The following NIBAN2 variants were observed in gnomAD, a reference collection of about 807,000 sequenced individuals.
The protein encoded by NIBAN2 is niban apoptosis regulator 2.
NIBAN2 carries 36 observed loss-of-function variants against 81.8 expected under a neutral mutation model. The observed-to-expected ratio is 0.44, with a 90% CI of 0.34 to 0.58. The LOEUF (loss-of-function observed/expected upper bound fraction) is 0.58, where lower values mean the gene tolerates loss of function less well. NIBAN2 is among the 20% of genes least tolerant of loss of function. NIBAN2 has a pLI of 0.02. For missense variants in NIBAN2, 897 were observed against 1,014.1 expected (o/e 0.88, Z 1.57); for synonymous variants, 445 against 441.6 (o/e 1.01, Z -0.10).
chr9:127,511,285 T>G (rs1278946339), intron 8 of NIBAN2, among the ~76,000 whole-genome samples: 1 of 152,092 alleles, frequency 6.6e-6, no homozygotes, highest in Non-Finnish European at 1.5e-5. Context: ...TGATCTCAGG[T>G]GACCCGCCCA....
chr9:127,559,118 T>C lies in NIBAN2; in HGVS notation c.55+9702A>G, dbSNP rs1017819582. 5.3e-5 allele frequency among the ~76,000 whole-genome samples: 8 copies of C among 152,220 alleles called. No homozygotes were observed. The highest frequency in any genetic ancestry group is 1.9e-4 in the African/African-American group (8 of 41,458). On this transcript the variant is annotated intron_variant, in intron 1 of 13. Transcript: ENST00000373312. The surrounding 1 kb of genome is among the most constrained non-coding windows in gnomAD (Gnocchi z 4.0). ...CTCTGGGAAACAAAGATCCACGGGC[T>C]TTGTAACATGAGCCACAGCACATCC...
At chr9:127,574,786 G>A (rs1837988260) in intron 1 of NIBAN2, among the ~76,000 whole-genome samples, 1 of 152,178 alleles carries the variant, frequency 6.6e-6, no homozygotes, top group East Asian at 1.9e-4. Context: ...TGTGCAGAAG[G>A]GACCCTGGCA....
In NIBAN2 at chr9:127,554,439, C is replaced by A. The variant is rs372980796; in HGVS notation, c.55+14381G>T. On this transcript the variant is annotated intron_variant, in intron 1 of 13. Coordinates refer to ENST00000373312, the MANE Select transcript of NIBAN2 (RefSeq NM_022833.4). ...CCGGAGCCTGCCCTGTGCTTGCAAC[C>A]CCCTTGGGGCTCCAGTCGGGCCAGA... Among the ~76,000 whole-genome samples, 37 of 152,316 alleles carry A rather than the reference C, an allele frequency of 2.4e-4. 2 individuals carry two copies. In the East Asian group the frequency reaches 6.6e-3, roughly 27 times the overall value.
At chr9:127,575,230 CT>C (rs11309796) in intron 1 of NIBAN2, among the ~76,000 whole-genome samples, 87,950 of 122,372 alleles carry the variant, frequency 0.72, 30,737 homozygotes, top group African/African-American at 0.76. Flanking sequence ...AATATGGATT[CT>C]TTTTTTTTTT....
At chr9:127,541,516 C>G (rs552997011) in intron 1 of NIBAN2, among the ~76,000 whole-genome samples, 1 of 152,192 alleles carries the variant, frequency 6.6e-6, no homozygotes, top group East Asian at 1.9e-4. Context: ...CCCTGGCCTC[C>G]GCAGCACCAG....
chr9:127,545,356 C>T lies in NIBAN2; in HGVS notation c.56-13578G>A, dbSNP rs1184028603. Among the ~76,000 whole-genome samples the T allele has an allele frequency of 6.6e-6, 1 of 152,232 alleles. No homozygotes were observed. Among genetic ancestry groups the T allele is most frequent in the African/African-American group, 2.4e-5 (1 of 41,462 alleles). On this transcript the variant is annotated intron_variant, in intron 1 of 13. Coordinates refer to ENST00000373312, the MANE Select transcript of NIBAN2 (RefSeq NM_022833.4). The surrounding 1 kb of genome is among the most constrained non-coding windows in gnomAD (Gnocchi z 4.7). ...ACCACAGTTAATGCCTCATCTGAGA[C>T]GCTCCCCGGACTGAGACTGCTCTCC...
chr9:127,560,154 C>CT (rs1230389059), intron 1 of NIBAN2, among the ~76,000 whole-genome samples: 1 of 152,184 alleles, frequency 6.6e-6, no homozygotes, highest in African/African-American at 2.4e-5. Flanking sequence ...TTTCCTGTCA[C>CT]TAGAGGAGTG....
At position 127,517,092 on chromosome 9, in the gene NIBAN2, A is replaced by C. The variant is rs769391886; in HGVS notation, c.810+20T>G. ...CAGCTGCAGGTCCCGTCCCCGCTCC[A>C]GGGCCCCAGGCCCACCCACCTGGAT... On this transcript the variant is annotated intron_variant, in intron 7 of 13. Coordinates refer to ENST00000373312, the MANE Select transcript of NIBAN2 (RefSeq NM_022833.4). The surrounding 1 kb of genome is among the most constrained non-coding windows in gnomAD (Gnocchi z 4.0). The C allele has an allele frequency of 6.2e-7, 1 of 1,611,672 alleles. No individual in the cohort carries two copies. Among genetic ancestry groups the C allele is most frequent in the African/African-American group, 1.3e-5 (1 of 74,830 alleles).
intron 5 of NIBAN2, among the ~76,000 whole-genome samples, chr9:127,521,054 C>T (rs571853358): frequency 2.0e-5 from 3 of 152,250 alleles, no homozygotes; most frequent in Admixed American, 1.3e-4. Flanking sequence ...ACCTTGCCCT[C>T]GACTCAGACC....
rs561888976 is a variant in NIBAN2 at position 127,563,197 on chromosome 9, C to A, written c.55+5623G>T. On this transcript the variant is annotated intron_variant, in intron 1 of 13. Coordinates refer to ENST00000373312, the MANE Select transcript of NIBAN2 (RefSeq NM_022833.4). This position sits in a 1 kb window ranked among gnomAD's most constrained non-coding sequence, Gnocchi z 4.1. ...GAGTAGGCGAGGCCGGCACTCAGGC[C>A]CCAGCAGTGGAAAAGGAACAGAGTC... Among the ~76,000 whole-genome samples, 1 of 152,190 alleles carries A rather than the reference C, an allele frequency of 6.6e-6. No homozygotes were observed. Among genetic ancestry groups the A allele is most frequent in the South Asian group, 2.1e-4 (1 of 4,818 alleles).
chr9:127,527,906 G>C (rs1837106789), intron 2 of NIBAN2, among the ~76,000 whole-genome samples: 1 of 152,126 alleles, frequency 6.6e-6, no homozygotes, highest in African/African-American at 2.4e-5. Flanking sequence ...AGGAGTAGGG[G>C]GAATGGAGGG....
intron 1 of NIBAN2, among the ~76,000 whole-genome samples, chr9:127,551,081 G>A (rs549023301): frequency 6.6e-6 from 1 of 152,236 alleles, no homozygotes; most frequent in South Asian, 2.1e-4. Flanking sequence ...GGGACAGATG[G>A]AACGGCACTT....
chr9:127,521,563 C>A (rs1836942299), intron 5 of NIBAN2, among the ~76,000 whole-genome samples: 2 of 151,792 alleles, frequency 1.3e-5, no homozygotes, highest in Non-Finnish European at 2.9e-5. Flanking sequence ...CCCCCACTTC[C>A]TGGCAGCCCC....
chr9:127,540,564 C>T (rs1837359679), intron 1 of NIBAN2, among the ~76,000 whole-genome samples: 1 of 152,202 alleles, frequency 6.6e-6, no homozygotes. Context: ...GGTATTGGTA[C>T]TGGCAGAACA....
At chr9:127,553,986 C>G (rs1387072867) in intron 1 of NIBAN2, among the ~76,000 whole-genome samples, 1 of 152,186 alleles carries the variant, frequency 6.6e-6, no homozygotes, top group African/African-American at 2.4e-5. Context: ...CCAATGCCCC[C>G]ACCCACGCCC....
In NIBAN2 at chr9:127,517,406, C is replaced by G. The variant is rs1219986964; in HGVS notation, c.706-190G>C. 6.6e-6 allele frequency among the ~76,000 whole-genome samples: 1 copy of G among 152,174 alleles called. No homozygotes were observed. Among genetic ancestry groups the G allele is most frequent in the African/African-American group, 2.4e-5 (1 of 41,440 alleles). On this transcript the variant is annotated intron_variant, in intron 6 of 13. Transcript: ENST00000373312. The surrounding 1 kb of genome is among the most constrained non-coding windows in gnomAD (Gnocchi z 4.0). ...GGTCCCAACTCATCTGCCTGGGTGT[C>G]CTGTAGGATCCTCAGACTCAAGGGC... is the stretch of plus-strand genomic sequence containing the variant.
At chr9:127,578,146 G>A (rs530114462) in intron 1 of NIBAN2, among the ~76,000 whole-genome samples, 4 of 148,988 alleles carry the variant, frequency 2.7e-5, no homozygotes, top group South Asian at 2.1e-4. Context: ...AGCTGAGATC[G>A]CGCCACTGCA....
At chr9:127,510,115 GACCC>G in intron 9 of NIBAN2, 27 bp downstream of exon 9, 1 of 1,581,158 alleles carries the variant, frequency 6.3e-7, no homozygotes, top group African/African-American at 1.3e-5. Flanking sequence ...ACTCTCAGGA[GACCC>G]CCTCCTAGGG....
rs966117471 is a variant in NIBAN2, at chr9:127,526,316, C to G, written c.315+878G>C. On this transcript the variant is annotated intron_variant, in intron 3 of 13. Transcript: ENST00000373312. ...TCCTGAGGCTGAGGCAGGAGAATCA[C>G]TTGAGCCAGGGAGGTGGAGGTTGCA... 2.7e-5 allele frequency among the ~76,000 whole-genome samples: 4 copies of G among 146,432 alleles called. No homozygotes were observed. The East Asian group carries it at 8.0e-4, about 29-fold the overall frequency.
Sources: gnomAD v4.1 joint callset for allele counts (sites outside exome capture counted in the v4.1 genomes callset) on GRCh38, gnomAD v4.1.1 for gene constraint, Gnocchi (gnomAD v3.1) non-coding constraint, MANE v1.5 for transcripts, NCBI Gene and HGNC (gene_info 2026-07-23, HGNC 2026-07-21) for gene names.